Variants in CLCA2 observed in about 807,000 individuals in gnomAD.
The protein encoded by CLCA2 is chloride channel accessory 2, also known as calcium-activated chloride channel regulator 2.
A neutral mutation model predicts 82.9 loss-of-function variants in CLCA2; 85 were observed. The observed-to-expected ratio is 1.03, with a 90% CI of 0.86 to 1.23. CLCA2 has a LOEUF of 1.23. CLCA2 is among the 50% of genes most tolerant of loss of function. The pLI is 0.00. For synonymous variants in CLCA2, 421 were observed against 391.7 expected, an observed-to-expected ratio of 1.07 and a Z score of -0.88; for missense variants, 1,089 against 1,124.8, an observed-to-expected ratio of 0.97 and a Z score of 0.45.
intron 11 of CLCA2, among the ~76,000 whole-genome samples, 186 bp downstream of exon 11, chr1:86,447,964 G>C (rs376136971): frequency 6.6e-6 from 1 of 152,094 alleles, no homozygotes; most frequent in African/African-American, 2.4e-5. Context: ...TGGAAAAAGA[G>C]AGTCCTTGTG....
chr1:86,437,676 T>C (rs778300594), intron 6 of CLCA2, among the ~76,000 whole-genome samples: 3 of 151,990 alleles, frequency 2.0e-5, no homozygotes, highest in Non-Finnish European at 4.4e-5. Flanking sequence ...GAGACATAGG[T>C]ATGGATTTGA....
intron 2 of CLCA2, 93 bp from the exon 3 acceptor site, chr1:86,428,325 A>G (rs1662427621): frequency 1.3e-5 from 15 of 1,181,282 alleles, no homozygotes; most frequent in Non-Finnish European, 1.7e-5. Context: ...ACACATCTTA[A>G]GTGTACAGTT....
intron 13 of CLCA2, among the ~76,000 whole-genome samples, chr1:86,454,453 C>T (rs1348601858): frequency 6.6e-6 from 1 of 152,018 alleles, no homozygotes; most frequent in African/African-American, 2.4e-5. Context: ...TATGAATTTA[C>T]AATAAACTTG....
At chr1:86,450,927 G>A (rs575951962) in intron 12 of CLCA2, among the ~76,000 whole-genome samples, 194 bp downstream of exon 12, 8 of 152,278 alleles carry the variant, frequency 5.3e-5, no homozygotes, top group South Asian at 2.1e-4. Context: ...ACAGGAAGGC[G>A]ATAGGTAATG....
intron 1 of CLCA2, 84 bp from the exon 2 acceptor site, chr1:86,425,255 T>C (rs773525944): frequency 1.0e-5 from 10 of 970,976 alleles, no homozygotes; most frequent in Non-Finnish European, 1.5e-5. Context: ...TCATTGTCTT[T>C]TATTACTGTT....
intron 3 of CLCA2, 100 bp downstream of exon 3, chr1:86,428,668 C>T: frequency 7.3e-7 from 1 of 1,363,018 alleles, no homozygotes; most frequent in Non-Finnish European, 1.0e-6. Context: ...TGAAACTTGT[C>T]AAGGACTTAC....
chr1:86,456,291 T>C lies in CLCA2; in HGVS notation c.*764T>C, dbSNP rs1237519393. 1 of 152,206 alleles carries C rather than the reference T, an allele frequency of 6.6e-6. No individual in the cohort carries two copies. The highest frequency in any genetic ancestry group is 1.5e-5 in the Non-Finnish European group (1 of 68,042). 9.4% of individuals were successfully genotyped at this position (152,206 alleles called of 1,614,324 possible). On this transcript the variant is annotated 3_prime_UTR_variant, in exon 14 of 14. Transcript: ENST00000370565. The stretch of plus-strand genomic sequence containing the variant: ...GTTATTCTGAGTTTGTTTTAATACA[T>C]ATATGAACATATAGTTTTATTCAAT...
rs72951845 is a variant in CLCA2, at chr1:86,430,827, T to C, written c.476-35T>C. 5,147 of 1,524,706 alleles carry C rather than the reference T, an allele frequency of 3.4e-3. 159 individuals are homozygous for C. The African/African-American group carries it at 0.063, about 19-fold the overall frequency. The allele number at this position is 1,524,706 out of a possible 1,614,324, so 94.4% of individuals were successfully genotyped here. ...TTAGCAAGGCACATTGCTGAGATTT[T>C]AGAAGCTCAAAAGCAAAAGTTCTTT... On this transcript the variant is annotated intron_variant, in intron 3 of 13. Transcript: ENST00000370565.
At chr1:86,453,730 T>G (rs1476624724) in intron 13 of CLCA2, 128 bp downstream of exon 13, 28 of 829,064 alleles carry the variant, frequency 3.4e-5, no homozygotes, top group Non-Finnish European at 5.2e-5. Flanking sequence ...TGATCAGGCT[T>G]TAAATCCTGG....
chr1:86,451,215 T>C (rs914263998), intron 12 of CLCA2, among the ~76,000 whole-genome samples: 9 of 152,204 alleles, frequency 5.9e-5, no homozygotes, highest in Non-Finnish European at 1.2e-4. Context: ...GTTTTGCTTT[T>C]CTTCAAGAAA....
intron 5 of CLCA2, 152 bp from the exon 6 acceptor site, chr1:86,434,366 C>A: frequency 1.6e-6 from 1 of 634,652 alleles, no homozygotes; most frequent in Non-Finnish European, 2.7e-6. Context: ...AATTTGATGT[C>A]ATTCTTGAAG....
At chr1:86,436,371 A>C (rs1662609736) in intron 6 of CLCA2, among the ~76,000 whole-genome samples, 1 of 151,410 alleles carries the variant, frequency 6.6e-6, no homozygotes, top group Non-Finnish European at 1.5e-5. Context: ...CTCCCTCCCT[A>C]CCTCCCTTTT....
chr1:86,426,077 C>T (rs1170532388), intron 2 of CLCA2, among the ~76,000 whole-genome samples: 1 of 151,986 alleles, frequency 6.6e-6, no homozygotes, highest in Non-Finnish European at 1.5e-5. Context: ...CCTTGAAAGG[C>T]TCTCATAAGT....
rs142787360 is a variant in CLCA2 at position 86,446,180 on chromosome 1, T to G, written c.1714-1328T>G. Among the ~76,000 whole-genome samples the G allele has an allele frequency of 3.0e-3, 451 of 151,728 alleles. 4 individuals carry two copies. The highest frequency in any genetic ancestry group is 0.011 in the African/African-American group (435 of 41,362). On this transcript the variant is annotated intron_variant, in intron 10 of 13. Transcript: ENST00000370565. ...CCACCAACTCTGTTTTCTGCATAGT[T>G]GTCTTCTCTGCTTCTGTAGTGGTGA...
In CLCA2 at chr1:86,434,563, A is replaced by G. The variant is rs372023174; in HGVS notation, c.790A>G (p.Asn264Asp). 25 of 1,614,090 alleles carry G rather than the reference A, an allele frequency of 1.5e-5. No individual in the cohort carries two copies. The Middle Eastern group carries it at 6.6e-4, about 43-fold the overall frequency. Reference sequence around the variant, plus strand: ...AAGTACCCACAACCAAGAAGCACCAAACCTACAGAACCAGATGTGCAGCCT... The same window carrying G: ...AAGTACCCACAACCAAGAAGCACCAGACCTACAGAACCAGATGTGCAGCCT... Reference protein sequence around the residue: ...NASTHNQEAPNLQNQMCSLRS... With the variant: ...NASTHNQEAPDLQNQMCSLRS... The change falls in exon 6 of 14, where the codon AAC (asparagine) becomes GAC (aspartate). Residue 264 changes from asparagine to aspartate, a missense_variant. Physicochemically the swap from Asn to Asp is conservative, Grantham distance 23. Coordinates refer to ENST00000370565, the MANE Select transcript of CLCA2 (RefSeq NM_006536.7).
At chr1:86,426,804 T>C (rs1202418699) in intron 2 of CLCA2, among the ~76,000 whole-genome samples, 2 of 152,078 alleles carry the variant, frequency 1.3e-5, no homozygotes, top group African/African-American at 4.8e-5. Context: ...TAGCTGTCAA[T>C]AGAGATTTAA....
chr1:86,439,230 G>A (rs555017527), intron 7 of CLCA2, 124 bp downstream of exon 7: 3 of 775,864 alleles, frequency 3.9e-6, no homozygotes, highest in South Asian at 1.7e-5. Flanking sequence ...AACTATGAAA[G>A]TAATGATGGA....
chr1:86,442,765 T>C (rs960895408), intron 9 of CLCA2, among the ~76,000 whole-genome samples: 1 of 152,256 alleles, frequency 6.6e-6, no homozygotes, highest in Non-Finnish European at 1.5e-5. Context: ...AAATACGCAG[T>C]AATTAAATGC....
rs1470320739 is a variant in CLCA2, at chr1:86,453,508, A to T, written c.2295A>T (p.Pro765=). The T allele has an allele frequency of 6.2e-7, 1 of 1,614,136 alleles. No homozygotes were observed. Among genetic ancestry groups the T allele is most frequent in the Non-Finnish European group, 8.5e-7 (1 of 1,180,000 alleles). The change falls in exon 13 of 14, where the codon CCA becomes CCT. Residue 765 remains proline (P), a synonymous_variant. Coordinates refer to ENST00000370565, the MANE Select transcript of CLCA2 (RefSeq NM_006536.7). ...CTGGCCCCCACCCTGATGTGTTTCC[A>T]CCATGCAAAATTATTGACCTGGAAG... ...VPAGPHPDVF[P]PCKIIDLEAV...
Sources: allele counts gnomAD v4.1 joint callset (sites outside exome capture counted in the v4.1 genomes callset), GRCh38; gene constraint gnomAD v4.1.1; transcripts MANE v1.5; gene names NCBI Gene and HGNC (gene_info 2026-07-23, HGNC 2026-07-21).